The following ZFC3H1 variants were observed in gnomAD, a reference collection of about 807,000 sequenced individuals.
The protein encoded by ZFC3H1 is zinc finger C3H1-type containing.
Under a neutral mutation model 243.7 loss-of-function variants are expected in ZFC3H1, and 71 were observed. The observed-to-expected ratio is 0.29, with a 90% CI of 0.24 to 0.36. The LOEUF (loss-of-function observed/expected upper bound fraction) is 0.36, where lower values mean the gene tolerates loss of function less well. Ranked by LOEUF, ZFC3H1 falls within the 10% of genes least tolerant of loss-of-function variation. The probability of loss-of-function intolerance (pLI) is 1.00; values close to 1 mark genes in which losing one functional copy is unlikely to be tolerated. For missense variants in ZFC3H1, 1,966 were observed against 2,317.1 expected (o/e 0.85, Z 3.11); for synonymous variants, 838 against 813.0 (o/e 1.03, Z -0.52).
chr12:71,626,439 A>G lies in ZFC3H1; in HGVS notation c.4138T>C (p.Ser1380Pro), dbSNP rs764428105. ...TTTAAAGCAGAATCCAAGGATTCTGAGCACTCCCTGTATATATAAAAGAAA... is the reference window on the plus strand; with the variant it reads ...TTTAAAGCAGAATCCAAGGATTCTGGGCACTCCCTGTATATATAAAAGAAA... Reference protein sequence around the residue: ...KYLNQNEGECSESLDSALNVL... With the variant: ...KYLNQNEGECPESLDSALNVL... The change falls in exon 22 of 35, where the codon TCA (serine) becomes CCA (proline). Residue 1380 changes from serine to proline, a missense_variant. By Grantham distance (74) the Ser-to-Pro change is moderately conservative. Coordinates refer to ENST00000378743, the MANE Select transcript of ZFC3H1 (RefSeq NM_144982.5). 3 of 1,613,402 alleles carry G rather than the reference A, an allele frequency of 1.9e-6. No homozygotes were observed. Among genetic ancestry groups the G allele is most frequent in the Non-Finnish European group, 2.5e-6 (3 of 1,179,766 alleles).
chr12:71,634,257 G>A lies in ZFC3H1; in HGVS notation c.2408C>T (p.Ser803Leu). 6.2e-7 allele frequency: 1 copy of A among 1,614,048 alleles called. No homozygotes were observed. The highest frequency in any genetic ancestry group is 8.5e-7 in the Non-Finnish European group (1 of 1,179,968). Residue 803 changes from serine to leucine, a missense_variant, in exon 12 of 35, where the codon TCA becomes TTA. Around this residue, in one of 4 missense-constraint regions of ZFC3H1, gnomAD observed 1,383 missense variants for 1,723.7 expected, o/e 0.80. Coordinates refer to ENST00000378743, the MANE Select transcript of ZFC3H1 (RefSeq NM_144982.5). ...LIKSDQLKTS[S>L]SSPANSDVEI... ...CACATCAGAGTTTGCTGGGGATGATGAACTTGTCTTCAGCTGATCTGATTT... is the reference window on the plus strand; with the variant it reads ...CACATCAGAGTTTGCTGGGGATGATAAACTTGTCTTCAGCTGATCTGATTT...
In ZFC3H1 at chr12:71,663,523, C is replaced by T. The variant is rs1234534609; in HGVS notation, c.88G>A (p.Asp30Asn). 6.2e-7 allele frequency: 1 copy of T among 1,613,644 alleles called. No homozygotes were observed. The highest frequency in any genetic ancestry group is 1.7e-5 in the Admixed American group (1 of 60,034). The change falls in exon 1 of 35, where the codon GAC (aspartate) becomes AAC (asparagine). Residue 30 changes from aspartate to asparagine, a missense_variant. By Grantham distance (23) the Asp-to-Asn change is conservative. Around this residue, in one of 4 missense-constraint regions of ZFC3H1, gnomAD observed 484 missense variants for 449.7 expected, o/e 1.08. Transcript: ENST00000378743. The stretch of plus-strand genomic sequence containing the variant: ...CTCCGTATCTGGCTGTTATTATCGT[C>T]GTCACTGATTTCCCCATCTTCAAGC... ...GELEDGEISD[D>N]DNNSQIRSRS...
At position 71,655,819 on chromosome 12, in the gene ZFC3H1, GA is replaced by G. The variant is rs1193485419; in HGVS notation, c.1015+1065del. On this transcript the variant is annotated intron_variant, in intron 2 of 34. Coordinates refer to ENST00000378743, the MANE Select transcript of ZFC3H1 (RefSeq NM_144982.5). ...TACACTAAAAACTGTCAAGGAAAAA[GA>G]GGGGGGGGAAATTACAGGCTCTGAA... 5.9e-5 allele frequency among the ~76,000 whole-genome samples: 9 copies of G among 152,150 alleles called. No individual in the cohort carries two copies. In the East Asian group the frequency reaches 7.7e-4, roughly 13 times the overall value.
chr12:71,618,459 T>C (rs992369146), intron 27 of ZFC3H1, among the ~76,000 whole-genome samples: 15 of 152,274 alleles, frequency 9.9e-5, no homozygotes, highest in Middle Eastern at 3.4e-3. Context: ...ATAGAGTATG[T>C]TGTGATAAAA....
chr12:71,644,365 A>G (rs1388576867), intron 4 of ZFC3H1, 47 bp from the exon 5 acceptor site: 1 of 1,555,404 alleles, frequency 6.4e-7, no homozygotes, highest in Admixed American at 2.0e-5. Context: ...AGGAGATAAA[A>G]GAAAAATAAG....
At chr12:71,648,210 A>G (rs1880775479) in intron 2 of ZFC3H1, among the ~76,000 whole-genome samples, 1 of 152,226 alleles carries the variant, frequency 6.6e-6, no homozygotes, top group Non-Finnish European at 1.5e-5. Context: ...CTAAATTGGA[A>G]TGAATGCAAT....
intron 31 of ZFC3H1, 64 bp downstream of exon 31, chr12:71,613,271 T>G: frequency 8.5e-7 from 1 of 1,181,654 alleles, no homozygotes; most frequent in South Asian, 1.5e-5. Flanking sequence ...TTTTCAAGAA[T>G]AATCTTATAT....
At chr12:71,657,937 C>T (rs1041810158) in intron 1 of ZFC3H1, among the ~76,000 whole-genome samples, 1 of 150,256 alleles carries the variant, frequency 6.7e-6, no homozygotes, top group Non-Finnish European at 1.5e-5. Context: ...TGCAGGGAGC[C>T]AAGATCACAC....
At chr12:71,617,066 T>C (rs968474024) in intron 27 of ZFC3H1, among the ~76,000 whole-genome samples, 2 of 152,194 alleles carry the variant, frequency 1.3e-5, no homozygotes, top group African/African-American at 2.4e-5. Context: ...AAATGTCACA[T>C]AGAGAGTTGA....
At chr12:71,629,578 C>CACACACAT in intron 19 of ZFC3H1, 31 bp downstream of exon 19, 1 of 1,358,646 alleles carries the variant, frequency 7.4e-7, no homozygotes. Flanking sequence ...CACACACACA[C>CACACACAT]ACACACACAC....
At chr12:71,627,669 A>G (rs1338762734) in intron 21 of ZFC3H1, 82 bp downstream of exon 21, 2 of 1,340,344 alleles carry the variant, frequency 1.5e-6, no homozygotes, top group Admixed American at 2.4e-5. Flanking sequence ...AAGAAACCTG[A>G]CTGATTACCA....
chr12:71,629,604 C>T lies in ZFC3H1; in HGVS notation c.3826+5G>A. On this transcript the variant is annotated splice_donor_5th_base_variant and intron_variant, in intron 19 of 34. Transcript: ENST00000378743. Reference sequence around the variant, plus strand: ...ACACACACACACACTTATATATGTACTTACTATGACCTTTACTTTCATTGA... The same window carrying T: ...ACACACACACACACTTATATATGTATTTACTATGACCTTTACTTTCATTGA... 7.6e-7 allele frequency: 1 copy of T among 1,318,656 alleles called. No individual in the cohort carries two copies. Among genetic ancestry groups the T allele is most frequent in the Non-Finnish European group, 1.1e-6 (1 of 928,410 alleles). 81.7% of individuals were successfully genotyped at this position (1,318,656 alleles called of 1,614,324 possible).
At chr12:71,616,520 A>G (rs1433430054) in intron 27 of ZFC3H1, among the ~76,000 whole-genome samples, 3 of 152,220 alleles carry the variant, frequency 2.0e-5, no homozygotes, top group East Asian at 3.9e-4. Context: ...TACTAGGATT[A>G]TAGGTCAATC....
At position 71,657,274 on chromosome 12, in the gene ZFC3H1, C is replaced by A; in HGVS notation, c.626G>T (p.Arg209Ile). The change falls in exon 2 of 35, where the codon AGA becomes ATA. Residue 209 changes from arginine to isoleucine, a missense_variant. Coordinates refer to ENST00000378743, the MANE Select transcript of ZFC3H1 (RefSeq NM_144982.5). ...SSKSFGRSPS[R>I]KQNYSSKNEN... is the part of the protein sequence containing the mutation. Reference sequence around the variant, plus strand: ...ATTTTTTGATGAATAATTTTGTTTTCTTGATGGAGACCTTCCAAAACTTTT... The same window carrying A: ...ATTTTTTGATGAATAATTTTGTTTTATTGATGGAGACCTTCCAAAACTTTT... 6.4e-7 allele frequency: 1 copy of A among 1,568,654 alleles called. No homozygotes were observed. Among genetic ancestry groups the A allele is most frequent in the South Asian group, 1.2e-5 (1 of 82,248 alleles).
chr12:71,624,962 G>A (rs904781941), intron 22 of ZFC3H1, among the ~76,000 whole-genome samples: 4 of 152,096 alleles, frequency 2.6e-5, no homozygotes, highest in African/African-American at 4.8e-5. Flanking sequence ...GCGAGACTCC[G>A]TCTCAAAAAA....
At chr12:71,650,706 G>A (rs1298007310) in intron 2 of ZFC3H1, among the ~76,000 whole-genome samples, 1 of 152,104 alleles carries the variant, frequency 6.6e-6, no homozygotes, top group East Asian at 1.9e-4. Context: ...AATTTCAAGG[G>A]AAGAAACATA....
rs752260265 is a variant in ZFC3H1 at position 71,623,454 on chromosome 12, A to G, written c.4650T>C (p.Pro1550=). 2.5e-6 allele frequency: 4 copies of G among 1,613,802 alleles called. No homozygotes were observed. The South Asian group carries it at 4.4e-5, about 18-fold the overall frequency. Residue 1550 remains proline, a synonymous_variant, in exon 24 of 35, where the codon CCT becomes CCC. Transcript: ENST00000378743. The part of the protein sequence containing the change: ...SKFYDPSNDN[P]SRIVNTESFV... Reference sequence around the variant, plus strand: ...ATGATTCAGTGTTAACAATTCTTGAAGGATTATCATTAGATGGATCATAAA... The same window carrying G: ...ATGATTCAGTGTTAACAATTCTTGAGGGATTATCATTAGATGGATCATAAA...
intron 9 of ZFC3H1, 120 bp downstream of exon 9, chr12:71,636,370 T>G: frequency 1.4e-6 from 1 of 714,920 alleles, no homozygotes; most frequent in Non-Finnish European, 2.0e-6. Flanking sequence ...AAATTTGTAT[T>G]TATATGTGAA....
intron 2 of ZFC3H1, chr12:71,656,494 A>G: frequency 1.5e-6 from 1 of 655,206 alleles, no homozygotes; most frequent in Non-Finnish European, 2.7e-6. Context: ...GTAAACTTCA[A>G]CATCCATTCA....
Sources: gnomAD v4.1 joint callset for allele counts (sites outside exome capture counted in the v4.1 genomes callset) on GRCh38, gnomAD v4.1.1 for gene constraint, gnomAD v4.1.1 regional missense constraint, MANE v1.5 for transcripts, NCBI Gene and HGNC (gene_info 2026-07-23, HGNC 2026-07-21) for gene names.